The following ACKR3 variants were observed in gnomAD, a reference collection of about 807,000 sequenced individuals.
The protein encoded by ACKR3 is atypical chemokine receptor 3, also known as C-X-C chemokine receptor type 7.
In ACKR3, 6 loss-of-function variants were observed where a neutral mutation model predicts 22.4. The observed-to-expected ratio is 0.27, with a 90% CI of 0.15 to 0.53. ACKR3 has a LOEUF of 0.53. Ranked by LOEUF, ACKR3 falls within the 20% of genes least tolerant of loss-of-function variation. The pLI is 0.96. For synonymous variants in ACKR3, 209 were observed against 205.2 expected (o/e 1.02, Z -0.16); for missense variants, 396 against 475.2 (o/e 0.83, Z 1.55).
At chr2:236,547,554 T>C in the ACKR3 span, among the ~76,000 whole-genome samples, 1 of 152,236 alleles carries the variant, frequency 6.6e-6, no homozygotes, top group African/African-American at 2.4e-5. Flanking sequence ...AGTGGAACCT[T>C]TTGAGAAGTT....
At chr2:236,545,320 G>A in the ACKR3 span, among the ~76,000 whole-genome samples, 2 of 152,188 alleles carry the variant, frequency 1.3e-5, no homozygotes, top group African/African-American at 4.8e-5. The surrounding 1 kb of genome is among the most constrained non-coding windows in gnomAD (Gnocchi z 5.3). Context: ...TGCCCCCTCT[G>A]CTGGGATCCA....
At chr2:236,545,919 C>T in the ACKR3 span, among the ~76,000 whole-genome samples, 1 of 152,210 alleles carries the variant, frequency 6.6e-6, no homozygotes, top group Non-Finnish European at 1.5e-5. The surrounding 1 kb of genome is among the most constrained non-coding windows in gnomAD (Gnocchi z 5.3). Context: ...AAAGCCCCAA[C>T]TTTAAAGTCT....
At chr2:236,571,369 G>A (rs1343166069) in intron 1 of ACKR3, among the ~76,000 whole-genome samples, 2 of 152,128 alleles carry the variant, frequency 1.3e-5, no homozygotes, top group Non-Finnish European at 2.9e-5. Flanking sequence ...ATGGGGGTGG[G>A]AAAGCGAAGG....
chr2:236,542,334 C>T, the ACKR3 span, among the ~76,000 whole-genome samples: 1 of 152,162 alleles, frequency 6.6e-6, no homozygotes, highest in African/African-American at 2.4e-5. Flanking sequence ...GATTGTTAAA[C>T]ACCAGCACAT....
At chr2:236,558,226 G>T in the ACKR3 span, among the ~76,000 whole-genome samples, 2 of 152,166 alleles carry the variant, frequency 1.3e-5, no homozygotes, top group African/African-American at 2.4e-5. Context: ...AACCCTATAG[G>T]CAGTGCGTGG....
At chr2:236,545,000 T>C in the ACKR3 span, among the ~76,000 whole-genome samples, 1 of 152,170 alleles carries the variant, frequency 6.6e-6, no homozygotes, top group South Asian at 2.1e-4. This position sits in a 1 kb window ranked among gnomAD's most constrained non-coding sequence, Gnocchi z 5.0. Flanking sequence ...CCACAGGTGG[T>C]GGCTGGCAAC....
chr2:236,543,093 G>A, the ACKR3 span, among the ~76,000 whole-genome samples: 11 of 152,174 alleles, frequency 7.2e-5, no homozygotes, highest in African/African-American at 2.7e-4. Context: ...AGAAATCAGG[G>A]AATCTTCCCA....
the ACKR3 span, among the ~76,000 whole-genome samples, chr2:236,537,356 G>C: frequency 6.6e-6 from 1 of 152,196 alleles, no homozygotes; most frequent in African/African-American, 2.4e-5. Context: ...TGGTAAGGAG[G>C]CTGGTTTTGC....
At position 236,577,064 on chromosome 2, in the gene ACKR3, T is replaced by C. The variant is rs1275963811; in HGVS notation, c.-26-3376T>C. Among the ~76,000 whole-genome samples the C allele has an allele frequency of 6.6e-6, 1 of 152,180 alleles. No homozygotes were observed. Among genetic ancestry groups the C allele is most frequent in the Admixed American group, 6.5e-5 (1 of 15,284 alleles). On this transcript the variant is annotated intron_variant, in intron 1 of 1. Coordinates refer to ENST00000272928, the MANE Select transcript of ACKR3 (RefSeq NM_020311.3). The surrounding 1 kb of genome is among the most constrained non-coding windows in gnomAD (Gnocchi z 5.6). Reference sequence around the variant, plus strand: ...AGCAGGTGGTCAGGGTGTGGGCCTCTGGCTTTGTTTCCTGGCCAGCCCCAG... The same window carrying C: ...AGCAGGTGGTCAGGGTGTGGGCCTCCGGCTTTGTTTCCTGGCCAGCCCCAG...
chr2:236,558,464 C>A, the ACKR3 span, among the ~76,000 whole-genome samples: 1 of 152,128 alleles, frequency 6.6e-6, no homozygotes, highest in Non-Finnish European at 1.5e-5. Context: ...GGCCTGTTCT[C>A]AATCTGGTCT....
Position 236,577,711 on chromosome 2 carries a change from G to T in ACKR3, c.-26-2729G>T, listed in dbSNP as rs989094795. Among the ~76,000 whole-genome samples the T allele has an allele frequency of 2.0e-5, 3 of 152,226 alleles. No individual in the cohort carries two copies. The highest frequency in any genetic ancestry group is 7.2e-5 in the African/African-American group (3 of 41,470). On this transcript the variant is annotated intron_variant, in intron 1 of 1. Transcript: ENST00000272928. This position sits in a 1 kb window ranked among gnomAD's most constrained non-coding sequence, Gnocchi z 5.6. ...CCAGAGGAATGTCACCATGGTGGGG[G>T]AGAGAGGTGGGGCGGATTCGGGATC...
the ACKR3 span, among the ~76,000 whole-genome samples, chr2:236,550,655 C>T: frequency 6.6e-6 from 1 of 152,166 alleles, no homozygotes; most frequent in African/African-American, 2.4e-5. The surrounding 1 kb of genome is among the most constrained non-coding windows in gnomAD (Gnocchi z 4.6). Context: ...CATCTTGTCG[C>T]TGAGCAAGGC....
the ACKR3 span, among the ~76,000 whole-genome samples, chr2:236,544,815 T>G: frequency 1.3e-5 from 2 of 151,992 alleles, no homozygotes; most frequent in Non-Finnish European, 2.9e-5. This position sits in a 1 kb window ranked among gnomAD's most constrained non-coding sequence, Gnocchi z 5.0. Flanking sequence ...TGGGCTAGAT[T>G]TGGGAGAAAG....
At chr2:236,554,514 C>T in the ACKR3 span, among the ~76,000 whole-genome samples, 1 of 152,154 alleles carries the variant, frequency 6.6e-6, no homozygotes, top group Non-Finnish European at 1.5e-5. Flanking sequence ...TGAGATAGGG[C>T]ATCCAGGGAG....
chr2:236,577,253 C>T lies in ACKR3; in HGVS notation c.-26-3187C>T, dbSNP rs1003395005. ...ACAGCCATGCCCTTGTTGGAAGTTT[C>T]CCACTGTGCCACCCGGGAGGGGAGA... On this transcript the variant is annotated intron_variant, in intron 1 of 1. Coordinates refer to ENST00000272928, the MANE Select transcript of ACKR3 (RefSeq NM_020311.3). The surrounding 1 kb of genome is among the most constrained non-coding windows in gnomAD (Gnocchi z 5.6). 6.6e-6 allele frequency among the ~76,000 whole-genome samples: 1 copy of T among 152,198 alleles called. No individual in the cohort carries two copies.
the ACKR3 span, among the ~76,000 whole-genome samples, chr2:236,541,211 A>G: frequency 6.6e-6 from 1 of 152,234 alleles, no homozygotes; most frequent in African/African-American, 2.4e-5. Context: ...AATAAAGCTT[A>G]CTTTGCATTT....
At chr2:236,552,268 C>T in the ACKR3 span, among the ~76,000 whole-genome samples, 46 of 152,198 alleles carry the variant, frequency 3.0e-4, no homozygotes, top group African/African-American at 1.0e-3. Context: ...ATGTGTCCTC[C>T]GGGTGGATGT....
At chr2:236,560,469 A>G in the ACKR3 span, among the ~76,000 whole-genome samples, 1 of 152,142 alleles carries the variant, frequency 6.6e-6, no homozygotes, top group African/African-American at 2.4e-5. Flanking sequence ...TGACATAGGC[A>G]TGTCTTCTTT....
chr2:236,545,109 C>T, the ACKR3 span, among the ~76,000 whole-genome samples: 51 of 152,270 alleles, frequency 3.3e-4, no homozygotes, highest in East Asian at 5.8e-4. This position sits in a 1 kb window ranked among gnomAD's most constrained non-coding sequence, Gnocchi z 5.3. Flanking sequence ...TCAGGGTATT[C>T]GCCTTCACTG....
Sources: gnomAD v4.1 joint callset for allele counts (sites outside exome capture counted in the v4.1 genomes callset) on GRCh38, gnomAD v4.1.1 for gene constraint, Gnocchi (gnomAD v3.1) non-coding constraint, MANE v1.5 for transcripts, NCBI Gene and HGNC (gene_info 2026-07-23, HGNC 2026-07-21) for gene names.